PLCH1: variants seen among roughly 807,000 people sequenced by gnomAD.
PLCH1 encodes phospholipase C eta 1.
PLCH1 carries 60 observed loss-of-function variants against 126.7 expected under a neutral mutation model. The ratio of observed to expected loss-of-function variants is 0.47; its 90% confidence interval spans 0.38 to 0.59. The LOEUF (loss-of-function observed/expected upper bound fraction) is 0.59, where lower values mean the gene tolerates loss of function less well. Among genes scored for constraint, PLCH1 ranks in the 20% least tolerant of loss-of-function variants. The probability of loss-of-function intolerance (pLI) is 0.00; values close to 1 mark genes in which losing one functional copy is unlikely to be tolerated. For missense variants in PLCH1, 1,723 were observed against 2,040.0 expected (o/e 0.84, Z 2.99); for synonymous variants, 719 against 734.9 (o/e 0.98, Z 0.35).
At chr3:155,720,575 T>G (rs530793827) in intron 1 of PLCH1, among the ~76,000 whole-genome samples, 16 of 152,206 alleles carry the variant, frequency 1.1e-4, no homozygotes, top group Non-Finnish European at 2.1e-4. Context: ...TTATTTGTTT[T>G]TTTCTTGATG....
At chr3:155,740,657 C>T (rs1749555218) in intron 1 of PLCH1, among the ~76,000 whole-genome samples, 1 of 151,994 alleles carries the variant, frequency 6.6e-6, no homozygotes, top group Non-Finnish European at 1.5e-5. Context: ...TCAAAACTAC[C>T]CTGAGCAACA....
intron 1 of PLCH1, among the ~76,000 whole-genome samples, chr3:155,733,966 T>C (rs1400526190): frequency 7.7e-6 from 1 of 129,988 alleles, no homozygotes; most frequent in Non-Finnish European, 1.8e-5. Flanking sequence ...TATATATATA[T>C]ATATATATAT....
At chr3:155,551,276 C>G (rs1407327132) in intron 9 of PLCH1, among the ~76,000 whole-genome samples, 1 of 151,770 alleles carries the variant, frequency 6.6e-6, no homozygotes. Flanking sequence ...GAAACACTGT[C>G]TCTACTAAAA....
At chr3:155,641,431 G>A (rs1739389673) in intron 2 of PLCH1, among the ~76,000 whole-genome samples, 1 of 151,892 alleles carries the variant, frequency 6.6e-6, no homozygotes, top group South Asian at 2.1e-4. Context: ...TCAAAATTTG[G>A]GGGATAGGAG....
intron 2 of PLCH1, among the ~76,000 whole-genome samples, chr3:155,647,015 T>C (rs866851950): frequency 6.6e-6 from 1 of 152,120 alleles, no homozygotes; most frequent in East Asian, 1.9e-4. Context: ...ATCTAACAAA[T>C]AGAATGCATC....
chr3:155,564,102 C>G (rs1237858787), intron 8 of PLCH1, among the ~76,000 whole-genome samples: 1 of 151,968 alleles, frequency 6.6e-6, no homozygotes, highest in African/African-American at 2.4e-5. Context: ...TGTACAATAC[C>G]ATGCCTGGTT....
intron 1 of PLCH1, among the ~76,000 whole-genome samples, chr3:155,741,258 C>T (rs1488816084): frequency 6.6e-6 from 1 of 152,148 alleles, no homozygotes; most frequent in Non-Finnish European, 1.5e-5. Flanking sequence ...CCAAAGCCAG[C>T]CTGGAATAAG....
chr3:155,722,722 C>CTAGTA (rs1748044025), intron 1 of PLCH1, among the ~76,000 whole-genome samples: 1 of 152,092 alleles, frequency 6.6e-6, no homozygotes. Context: ...ATTTGGTTAG[C>CTAGTA]TAGTATTTTG....
intron 1 of PLCH1, among the ~76,000 whole-genome samples, chr3:155,737,272 C>T (rs1476204146): frequency 1.4e-5 from 2 of 143,554 alleles, no homozygotes; most frequent in Non-Finnish European, 3.0e-5. Flanking sequence ...AATTGTTTAC[C>T]TCTGACTTCT....
intron 2 of PLCH1, among the ~76,000 whole-genome samples, chr3:155,659,819 A>G (rs1253747376): frequency 1.3e-5 from 2 of 151,946 alleles, no homozygotes; most frequent in African/African-American, 4.8e-5. Flanking sequence ...ATTTTTTTAG[A>G]GATGGAGTCT....
chr3:155,624,628 A>G (rs1266599421), intron 2 of PLCH1, among the ~76,000 whole-genome samples: 2 of 152,216 alleles, frequency 1.3e-5, no homozygotes, highest in Admixed American at 6.5e-5. Flanking sequence ...ACCATGAGTG[A>G]ACTCCCATTC....
At chr3:155,680,998 C>T (rs911101760) in intron 2 of PLCH1, among the ~76,000 whole-genome samples, 3 of 151,998 alleles carry the variant, frequency 2.0e-5, no homozygotes, top group South Asian at 4.2e-4. Flanking sequence ...AAACTAACTA[C>T]TAATGTTACT....
At chr3:155,676,044 T>C (rs1038179024) in intron 2 of PLCH1, 2 of 1,535,356 alleles carry the variant, frequency 1.3e-6, no homozygotes, top group Middle Eastern at 1.7e-4. Context: ...TGCCATTAAA[T>C]TTAATACTAT....
At chr3:155,506,493 C>A (rs1718754639) in intron 12 of PLCH1, among the ~76,000 whole-genome samples, 1 of 104,148 alleles carries the variant, frequency 9.6e-6, no homozygotes, top group Non-Finnish European at 1.9e-5. Context: ...CCAATGTTAT[C>A]CCTCCCCCCT....
intron 13 of PLCH1, among the ~76,000 whole-genome samples, chr3:155,503,253 C>T (rs1281267232): frequency 6.6e-6 from 1 of 152,158 alleles, no homozygotes; most frequent in Non-Finnish European, 1.5e-5. Flanking sequence ...AAGGTAATAA[C>T]TATTCTGATG....
chr3:155,598,763 T>C (rs530283996), intron 2 of PLCH1, among the ~76,000 whole-genome samples: 2 of 152,168 alleles, frequency 1.3e-5, no homozygotes, highest in Non-Finnish European at 2.9e-5. Flanking sequence ...ACTTCCTGAA[T>C]TGAAGTAAGG....
intron 1 of PLCH1, among the ~76,000 whole-genome samples, chr3:155,709,091 G>A (rs358728): frequency 0.11 from 16,451 of 152,160 alleles, 1,427 homozygotes; most frequent in East Asian, 0.4. Context: ...AATGTTCTAC[G>A]TCTTTTCATG....
At chr3:155,697,833 T>A (rs1362665145) in intron 2 of PLCH1, among the ~76,000 whole-genome samples, 1 of 152,140 alleles carries the variant, frequency 6.6e-6, no homozygotes, top group Non-Finnish European at 1.5e-5. Flanking sequence ...AGGATAAAAC[T>A]GAGAATCTAC....
chr3:155,599,383 A>C (rs1212171302), intron 2 of PLCH1, among the ~76,000 whole-genome samples: 2 of 152,144 alleles, frequency 1.3e-5, no homozygotes, highest in Non-Finnish European at 2.9e-5. Context: ...AAAGGGTATG[A>C]GTTAAGAATG....
Sources: gnomAD v4.1 joint callset for allele counts (sites outside exome capture counted in the v4.1 genomes callset) on GRCh38, gnomAD v4.1.1 for gene constraint, MANE v1.5 for transcripts, NCBI Gene and HGNC (gene_info 2026-07-23, HGNC 2026-07-21) for gene names.